HMGB1: variants seen among roughly 807,000 people sequenced by gnomAD.
HMGB1 encodes the protein high mobility group box 1, also known as high mobility group protein B1.
For synonymous variants in HMGB1, 81 were observed against 84.0 expected (o/e 0.96, Z 0.19); for missense variants, 79 against 253.5 (o/e 0.31, Z 4.67).
chr13:30,461,547 G>A lies in HMGB1; in HGVS notation c.472-14C>T, dbSNP rs1886334335. On this transcript the variant is annotated splice_polypyrimidine_tract_variant and intron_variant, in intron 4 of 4. Transcript: ENST00000341423. Reference sequence around the variant, plus strand: ...TGCAGCAATATCCTTCCAAAGCAAAGGGAGGATAAAACAGTAGGGAAGAAA... The same window carrying A: ...TGCAGCAATATCCTTCCAAAGCAAAAGGAGGATAAAACAGTAGGGAAGAAA... 6.3e-7 allele frequency: 1 copy of A among 1,578,742 alleles called. No homozygotes were observed. Among genetic ancestry groups the A allele is most frequent in the Non-Finnish European group, 8.6e-7 (1 of 1,159,484 alleles).
At chr13:30,529,579 T>C (rs2137484485) in intron 1 of HMGB1, among the ~76,000 whole-genome samples, 1 of 152,328 alleles carries the variant, frequency 6.6e-6, no homozygotes, top group Admixed American at 6.5e-5. Context: ...GAGGCACTGC[T>C]GGGTGATGAA....
At chr13:30,602,746 T>C (rs1334634256) in intron 1 of HMGB1, among the ~76,000 whole-genome samples, 1 of 152,226 alleles carries the variant, frequency 6.6e-6, no homozygotes, top group East Asian at 1.9e-4. Flanking sequence ...AGCTAAATAA[T>C]TGTTCTTCCT....
intron 1 of HMGB1, among the ~76,000 whole-genome samples, chr13:30,538,636 TTTC>T (rs1868650741): frequency 8.5e-6 from 1 of 118,308 alleles, no homozygotes; most frequent in African/African-American, 4.2e-5. Context: ...TTTCTTTTTC[TTTC>T]TTCCTTTCTT....
At chr13:30,567,393 G>A (rs1422739997) in intron 1 of HMGB1, among the ~76,000 whole-genome samples, 2 of 149,768 alleles carry the variant, frequency 1.3e-5, no homozygotes, top group African/African-American at 4.9e-5. Flanking sequence ...CACCAGGCTG[G>A]AGTGCAGTGG....
intron 1 of HMGB1, among the ~76,000 whole-genome samples, chr13:30,596,401 T>G (rs74043510): frequency 6.6e-6 from 1 of 152,326 alleles, no homozygotes; most frequent in African/African-American, 2.4e-5. Context: ...ACATGTGGTT[T>G]CCTTAGCCAT....
chr13:30,495,518 G>A (rs753690739), intron 1 of HMGB1, among the ~76,000 whole-genome samples: 16 of 142,204 alleles, frequency 1.1e-4, no homozygotes, highest in African/African-American at 3.9e-4. Flanking sequence ...TCGCTCTGTC[G>A]CCCAGGCTGG....
intron 1 of HMGB1, among the ~76,000 whole-genome samples, chr13:30,492,256 G>A (rs192802209): frequency 6.6e-6 from 1 of 152,078 alleles, no homozygotes; most frequent in African/African-American, 2.4e-5. Context: ...TTGGGAGGCC[G>A]AGGTGGGAGG....
At chr13:30,605,561 A>G (rs9315023) in intron 1 of HMGB1, among the ~76,000 whole-genome samples, 58,084 of 152,106 alleles carry the variant, frequency 0.38, 11,453 homozygotes, top group Middle Eastern at 0.54. Context: ...GTCTGGCAAC[A>G]TGGAGGCCAA....
intron 1 of HMGB1, among the ~76,000 whole-genome samples, chr13:30,534,744 CTT>C (rs1191125191): frequency 1.3e-5 from 2 of 150,970 alleles, no homozygotes; most frequent in African/African-American, 4.9e-5. Context: ...CATCAGTTAA[CTT>C]TTGTACTTTT....
intron 1 of HMGB1, among the ~76,000 whole-genome samples, chr13:30,550,777 A>G (rs180949179): frequency 1.5e-4 from 23 of 152,322 alleles, no homozygotes; most frequent in African/African-American, 5.1e-4. Context: ...AGTTGTATGA[A>G]ATATAAATGT....
intron 1 of HMGB1, chr13:30,554,691 A>G (rs1191760508): frequency 2.6e-6 from 2 of 771,222 alleles, no homozygotes; most frequent in Non-Finnish European, 4.8e-6. Context: ...GGAAGAGAAC[A>G]GTGAGAATGC....
intron 1 of HMGB1, among the ~76,000 whole-genome samples, chr13:30,552,530 C>G (rs187718601): frequency 1.3e-5 from 2 of 152,310 alleles, no homozygotes; most frequent in Admixed American, 1.3e-4. Flanking sequence ...ACAGAATACA[C>G]TGGGTATCTC....
intron 1 of HMGB1, among the ~76,000 whole-genome samples, chr13:30,525,854 T>TGA (rs113245105): frequency 6.7e-6 from 1 of 149,066 alleles, no homozygotes; most frequent in Admixed American, 6.7e-5. Flanking sequence ...AAGATGAGAT[T>TGA]GTGGGGGGAC....
chr13:30,575,755 T>G (rs1870627780), intron 1 of HMGB1, among the ~76,000 whole-genome samples: 1 of 152,146 alleles, frequency 6.6e-6, no homozygotes, highest in Non-Finnish European at 1.5e-5. Context: ...AGAGTCACAT[T>G]TAAAAATGTG....
intron 1 of HMGB1, among the ~76,000 whole-genome samples, chr13:30,487,841 T>G (rs548643299): frequency 6.6e-6 from 1 of 152,292 alleles, no homozygotes; most frequent in East Asian, 1.9e-4. Context: ...TTTTGCCAAA[T>G]TTAGAACCCA....
intron 1 of HMGB1, among the ~76,000 whole-genome samples, chr13:30,534,616 C>CTTTTT (rs1216929821): frequency 3.2e-5 from 4 of 124,720 alleles, no homozygotes; most frequent in Admixed American, 8.3e-5. Context: ...GTTCAAGCTG[C>CTTTTT]TTTTTTTTTT....
intron 1 of HMGB1, among the ~76,000 whole-genome samples, chr13:30,484,506 G>A (rs1005115369): frequency 2.0e-5 from 3 of 152,128 alleles, no homozygotes; most frequent in Non-Finnish European, 4.4e-5. Flanking sequence ...CCCAACAACC[G>A]CTACTCTGTC....
upstream of HMGB1, among the ~76,000 whole-genome samples, chr13:30,466,457 G>A (rs1162350876): frequency 6.6e-6 from 1 of 152,184 alleles, no homozygotes; most frequent in African/African-American, 2.4e-5. Flanking sequence ...CGAGCCTCGA[G>A]CCCCTCAAAG....
chr13:30,508,142 T>G (rs1170568278), intron 1 of HMGB1, among the ~76,000 whole-genome samples: 2 of 152,240 alleles, frequency 1.3e-5, no homozygotes, highest in African/African-American at 2.4e-5. Context: ...CAGGTTCTAA[T>G]TCATGGAGTT....
Sources: gnomAD v4.1 joint callset for allele counts (sites outside exome capture counted in the v4.1 genomes callset) on GRCh38, gnomAD v4.1.1 for gene constraint, MANE v1.5 for transcripts, NCBI Gene and HGNC (gene_info 2026-07-23, HGNC 2026-07-21) for gene names.